The following NLRP5 variants were observed in gnomAD, a reference collection of about 807,000 sequenced individuals.
NLRP5 encodes NLR family pyrin domain containing 5.
In NLRP5, 93 loss-of-function variants were observed where a neutral mutation model predicts 113.1. The ratio of observed to expected loss-of-function variants is 0.82; its 90% CI spans 0.70 to 0.98. NLRP5 has a LOEUF of 0.98. Among genes scored for constraint, NLRP5 ranks in the 50% least tolerant of loss-of-function variants. The pLI is 0.00. For missense variants in NLRP5, 1,808 were observed against 1,514.3 expected (o/e 1.19, Z -3.22); for synonymous variants, 751 against 600.7 (o/e 1.25, Z -3.66).
At chr19:56,022,245 G>C (rs1267879076) in intron 6 of NLRP5, among the ~76,000 whole-genome samples, 3 of 151,918 alleles carry the variant, frequency 2.0e-5, no homozygotes, top group African/African-American at 7.3e-5. Flanking sequence ...TTTGAAACAG[G>C]GTCTTGCTGT....
upstream of NLRP5, among the ~76,000 whole-genome samples, chr19:55,996,353 T>C (rs534598011): frequency 6.6e-6 from 1 of 152,268 alleles, no homozygotes; most frequent in South Asian, 2.1e-4. Flanking sequence ...TTTTTCTTTG[T>C]TCATCTTTTC....
rs779881731 is a variant in NLRP5, at chr19:56,027,723, C to T, written c.1490C>T (p.Thr497Met). The T allele has an allele frequency of 1.4e-5, 22 of 1,613,524 alleles. No individual in the cohort carries two copies. Among genetic ancestry groups the T allele is most frequent in the East Asian group, 6.7e-5 (3 of 44,862 alleles). The stretch of plus-strand genomic sequence containing the variant: ...GAGAGCGTCGCCCCCTTCAACCAAA[C>T]GCTCACAGGCCTGCACGCCGCTTTT... The change falls in exon 7 of 15, where the codon ACG becomes ATG. Residue 497 changes from threonine (T) to methionine (M), a missense_variant. Physicochemically the swap from Thr to Met is moderately conservative, Grantham distance 81. Coordinates refer to ENST00000390649, the MANE Select transcript of NLRP5 (RefSeq NM_153447.4).
intron 9 of NLRP5, among the ~76,000 whole-genome samples, chr19:56,034,706 G>A (rs913036685): frequency 2.6e-5 from 4 of 152,078 alleles, no homozygotes; most frequent in African/African-American, 9.7e-5. Flanking sequence ...CTCCATCAGC[G>A]CTTGAGATCC....
chr19:55,995,526 A>G (rs999752816), upstream of NLRP5, among the ~76,000 whole-genome samples: 9 of 152,130 alleles, frequency 5.9e-5, no homozygotes, highest in Non-Finnish European at 4.4e-5. Flanking sequence ...AAGTCAGGTA[A>G]TATGCCTCCA....
chr19:56,032,669 A>T lies in NLRP5; in HGVS notation c.2335A>T (p.Thr779Ser), dbSNP rs1373994539. The T allele has an allele frequency of 3.7e-6, 6 of 1,613,534 alleles. No individual in the cohort carries two copies. Among genetic ancestry groups the T allele is most frequent in the Non-Finnish European group, 5.1e-6 (6 of 1,179,820 alleles). Residue 779 changes from threonine (T) to serine (S), a missense_variant, in exon 8 of 15, where the codon ACC becomes TCC. By Grantham distance (58) the Thr-to-Ser change is moderately conservative (BLOSUM62 1). Coordinates refer to ENST00000390649, the MANE Select transcript of NLRP5 (RefSeq NM_153447.4). ...GGAAGATTTCTGCTCCATGCTTGGC[A>T]CCCACCCACACCTGCGGCAGCTGGA...
At chr19:56,023,005 C>T (rs529168445) in intron 6 of NLRP5, among the ~76,000 whole-genome samples, 27 of 152,248 alleles carry the variant, frequency 1.8e-4, no homozygotes, top group African/African-American at 6.3e-4. Context: ...GGATTACAGG[C>T]GTGAGCCACT....
intron 11 of NLRP5, among the ~76,000 whole-genome samples, chr19:56,049,166 A>ATATTTATTTATTTATTTATT (rs3974178): frequency 7.2e-6 from 1 of 139,426 alleles, no homozygotes; most frequent in Non-Finnish European, 1.5e-5. Context: ...TTTATTTTTT[A>ATATTTATTTATTTATTTATT]TATTTATTTA....
chr19:56,050,463 A>G lies in NLRP5; in HGVS notation c.3003A>G (p.Ala1001=). 1.2e-6 allele frequency: 2 copies of G among 1,613,768 alleles called. No individual in the cohort carries two copies. Among genetic ancestry groups the G allele is most frequent in the South Asian group, 2.2e-5 (2 of 91,080 alleles). The change falls in exon 12 of 15, where the codon GCA becomes GCG. Residue 1001 remains alanine, a synonymous_variant. Transcript: ENST00000390649. ...ACACGGCTGGCTGTGGTTTTCTTGC[A>G]CTTGCGCTTATGGGTAACTCATGGC... is the stretch of plus-strand genomic sequence containing the variant.
intron 2 of NLRP5, 129 bp downstream of exon 2, chr19:56,004,224 A>ATC: frequency 2.0e-6 from 2 of 984,806 alleles, no homozygotes; most frequent in Non-Finnish European, 3.0e-6. Flanking sequence ...TGTGAGAAGG[A>ATC]TCCTATTGGT....
Position 56,008,769 on chromosome 19 carries a change from C to T in NLRP5, c.443-19C>T, listed in dbSNP as rs1410366850. ...AGTGACTTCATTGAGGCCAGTCTCCCTTTTTCTTTGTCTTCCAGGACATTC... is the reference window on the plus strand; with the variant it reads ...AGTGACTTCATTGAGGCCAGTCTCCTTTTTTCTTTGTCTTCCAGGACATTC... On this transcript the variant is annotated intron_variant, in intron 2 of 14. Coordinates refer to ENST00000390649, the MANE Select transcript of NLRP5 (RefSeq NM_153447.4). The T allele has an allele frequency of 6.3e-7, 1 of 1,598,028 alleles. No individual in the cohort carries two copies.
At chr19:56,057,843 T>C (rs936433295) in intron 13 of NLRP5, among the ~76,000 whole-genome samples, 1 of 151,992 alleles carries the variant, frequency 6.6e-6, no homozygotes, top group Non-Finnish European at 1.5e-5. Context: ...CTGGCCAACA[T>C]GATGAAACTC....
At chr19:56,042,350 T>G (rs181105728) in intron 11 of NLRP5, among the ~76,000 whole-genome samples, 10 of 152,218 alleles carry the variant, frequency 6.6e-5, no homozygotes, top group Admixed American at 2.0e-4. Flanking sequence ...TAAGTTCTTT[T>G]CTTGTTGTGT....
chr19:56,059,189 T>C (rs1984263772), intron 14 of NLRP5, among the ~76,000 whole-genome samples: 1 of 152,210 alleles, frequency 6.6e-6, no homozygotes, highest in African/African-American at 2.4e-5. Context: ...TAGCAGGAAG[T>C]TTCTTCAGTA....
chr19:56,019,670 T>C (rs980240129), intron 5 of NLRP5, among the ~76,000 whole-genome samples: 2 of 152,080 alleles, frequency 1.3e-5, no homozygotes, highest in African/African-American at 4.8e-5. Context: ...ACAACTTTGT[T>C]TGATGGATGT....
In NLRP5 at chr19:56,003,935, C is replaced by G; in HGVS notation, c.282C>G (p.Cys94Trp). 6.2e-7 allele frequency: 1 copy of G among 1,613,984 alleles called. No individual in the cohort carries two copies. Among genetic ancestry groups the G allele is most frequent in the Non-Finnish European group, 8.5e-7 (1 of 1,179,878 alleles). ...AGAAATCTTCAGAATCGACCACATG[C>G]TCTATTCCACAGTTTGAAATCGAGA... is the stretch of plus-strand genomic sequence containing the variant. The change falls in exon 2 of 15, where the codon TGC (cysteine) becomes TGG (tryptophan). Residue 94 changes from cysteine (C) to tryptophan (W), a missense_variant. Cys to Trp is a radical substitution (Grantham distance 215). Transcript: ENST00000390649.
intron 3 of NLRP5, among the ~76,000 whole-genome samples, 174 bp downstream of exon 3, chr19:56,009,027 C>T (rs1982067954): frequency 6.6e-6 from 1 of 152,060 alleles, no homozygotes; most frequent in Non-Finnish European, 1.5e-5. Flanking sequence ...TGGTATTTCT[C>T]TTTCCAAGTT....
rs186500362 is a variant in NLRP5, at chr19:56,043,872, T to C, written c.2957+2780T>C. On this transcript the variant is annotated intron_variant, in intron 11 of 14. Transcript: ENST00000390649. Reference sequence around the variant, plus strand: ...GATTACAGGCGTGAGCCACCACGCCTGGCCTCTGCTGACTATTCTTTTGCT... The same window carrying C: ...GATTACAGGCGTGAGCCACCACGCCCGGCCTCTGCTGACTATTCTTTTGCT... 3.8e-3 allele frequency among the ~76,000 whole-genome samples: 564 copies of C among 150,248 alleles called. 2 individuals are homozygous for C. The highest frequency in any genetic ancestry group is 0.012 in the African/African-American group (498 of 40,828).
intron 6 of NLRP5, among the ~76,000 whole-genome samples, chr19:56,024,782 G>A (rs796528661): frequency 6.6e-5 from 10 of 151,884 alleles, no homozygotes; most frequent in African/African-American, 1.9e-4. Flanking sequence ...TTCATCAGGT[G>A]GGGAAACTGA....
chr19:56,037,693 C>CAAAAAAAA (rs11301032), intron 9 of NLRP5, among the ~76,000 whole-genome samples: 1 of 87,724 alleles, frequency 1.1e-5, no homozygotes, highest in African/African-American at 4.3e-5. Context: ...GACCCTGTCT[C>CAAAAAAAA]AAAAAAAAAA....
Sources: allele counts gnomAD v4.1 joint callset (sites outside exome capture counted in the v4.1 genomes callset), GRCh38; gene constraint gnomAD v4.1.1; transcripts MANE v1.5; gene names NCBI Gene and HGNC (gene_info 2026-07-23, HGNC 2026-07-21).